The following SND1 variants were observed in gnomAD, a reference collection of about 807,000 sequenced individuals.
The protein encoded by SND1 is staphylococcal nuclease domain-containing protein 1.
Under a neutral mutation model 121.7 loss-of-function variants are expected in SND1, and 38 were observed. That is an observed-to-expected ratio of 0.31 (90% CI 0.24 to 0.41). The LOEUF (loss-of-function observed/expected upper bound fraction) is 0.41. SND1 is among the 10% of genes least tolerant of loss of function. The probability of loss-of-function intolerance (pLI) is 1.00; values close to 1 mark genes in which losing one functional copy is unlikely to be tolerated. For missense variants in SND1, 868 were observed against 1,184.6 expected, an observed-to-expected ratio of 0.73 and a Z score of 3.92; for synonymous variants, 401 against 447.4, an observed-to-expected ratio of 0.90 and a Z score of 1.31.
At position 127,782,544 on chromosome 7, in the gene SND1, C is replaced by T. The variant is rs56751449; in HGVS notation, c.1153-24940C>T. Among the ~76,000 whole-genome samples, 622 of 152,230 alleles carry T rather than the reference C, an allele frequency of 4.1e-3. 36 individuals are homozygous for T. In the East Asian group the frequency reaches 0.11, roughly 27 times the overall value. Reference sequence around the variant, plus strand: ...GGGGGGCAGAGATGTGTTGTTAGTTCGCTGAAAGTAGAATTTAATTGGCTA... The same window carrying T: ...GGGGGGCAGAGATGTGTTGTTAGTTTGCTGAAAGTAGAATTTAATTGGCTA... On this transcript the variant is annotated intron_variant, in intron 10 of 23. Transcript: ENST00000354725.
At chr7:128,000,617 C>T (rs898994935) in intron 16 of SND1, among the ~76,000 whole-genome samples, 2 of 152,204 alleles carry the variant, frequency 1.3e-5, no homozygotes, top group Admixed American at 6.5e-5. Context: ...GATCTGCCTG[C>T]CTCAGCCTCC....
chr7:127,891,077 T>C (rs775437581), intron 13 of SND1, among the ~76,000 whole-genome samples: 5 of 152,136 alleles, frequency 3.3e-5, no homozygotes, highest in East Asian at 1.9e-4. Flanking sequence ...GCCCCAGGAC[T>C]CTAAGCCTGG....
At chr7:127,833,343 G>T (rs955359774) in intron 11 of SND1, among the ~76,000 whole-genome samples, 4 of 147,234 alleles carry the variant, frequency 2.7e-5, no homozygotes, top group African/African-American at 1.0e-4. Context: ...TTGGCTCGCC[G>T]CAACCTCTGC....
intron 12 of SND1, among the ~76,000 whole-genome samples, chr7:127,874,745 C>T (rs1799659896): frequency 6.6e-6 from 1 of 152,048 alleles, no homozygotes; most frequent in Non-Finnish European, 1.5e-5. Context: ...TTCTCCCATA[C>T]CCCTCAAAAA....
intron 11 of SND1, among the ~76,000 whole-genome samples, chr7:127,813,268 C>T (rs1199200730): frequency 6.6e-6 from 1 of 152,112 alleles, no homozygotes; most frequent in Non-Finnish European, 1.5e-5. Flanking sequence ...GCTCTTTACC[C>T]TTTGGGTTTT....
At chr7:127,990,203 G>C (rs760303212) in intron 15 of SND1, among the ~76,000 whole-genome samples, 2 of 152,112 alleles carry the variant, frequency 1.3e-5, no homozygotes, top group African/African-American at 4.8e-5. Flanking sequence ...CTTAAGAAGC[G>C]GATATATTAT....
chr7:127,721,173 T>C (rs1452744618), intron 9 of SND1, 114 bp from the exon 10 acceptor site: 12 of 616,498 alleles, frequency 1.9e-5, no homozygotes, highest in Non-Finnish European at 3.5e-5. Context: ...ATACTGTTTT[T>C]CCCACAAATG....
At chr7:127,713,071 G>C (rs1796324726) in intron 9 of SND1, among the ~76,000 whole-genome samples, 1 of 152,200 alleles carries the variant, frequency 6.6e-6, no homozygotes, top group Non-Finnish European at 1.5e-5. Flanking sequence ...TGTAAAACAG[G>C]GATTGGACAG....
intron 11 of SND1, among the ~76,000 whole-genome samples, chr7:127,838,948 T>A (rs900082783): frequency 6.6e-6 from 1 of 152,238 alleles, no homozygotes; most frequent in Non-Finnish European, 1.5e-5. Flanking sequence ...CTGTTCTAAA[T>A]GATACATATG....
intron 16 of SND1, chr7:128,028,606 C>A: frequency 7.1e-7 from 1 of 1,410,670 alleles, no homozygotes; most frequent in Non-Finnish European, 9.7e-7. Flanking sequence ...AAAAGTCTCT[C>A]CCCACTCTGT....
At chr7:128,057,766 G>A (rs1277130492) in intron 16 of SND1, among the ~76,000 whole-genome samples, 1 of 152,286 alleles carries the variant, frequency 6.6e-6, no homozygotes, top group East Asian at 1.9e-4. Flanking sequence ...AACAGAAAAA[G>A]GAGAGAATGG....
At chr7:127,733,907 T>TAG (rs1796725901) in intron 10 of SND1, among the ~76,000 whole-genome samples, 1 of 151,876 alleles carries the variant, frequency 6.6e-6, no homozygotes, top group Non-Finnish European at 1.5e-5. Context: ...TCCCCTAGAG[T>TAG]AGAGGCCAGA....
chr7:127,984,967 A>G (rs1402872593), intron 15 of SND1, among the ~76,000 whole-genome samples: 1 of 152,226 alleles, frequency 6.6e-6, no homozygotes, highest in East Asian at 1.9e-4. Context: ...AACACTGCTC[A>G]GTTCAAATTC....
intron 14 of SND1, among the ~76,000 whole-genome samples, chr7:127,912,480 C>T (rs905262168): frequency 6.6e-6 from 1 of 152,184 alleles, no homozygotes; most frequent in East Asian, 1.9e-4. Flanking sequence ...TGAAGAGATA[C>T]AATTGATTCC....
In SND1 at chr7:127,677,755, A is replaced by G. The variant is rs139619837; in HGVS notation, c.79-8858A>G. Among the ~76,000 whole-genome samples, 753 of 152,308 alleles carry G rather than the reference A, an allele frequency of 4.9e-3. 2 individuals are homozygous for G. Among genetic ancestry groups the G allele is most frequent in the Non-Finnish European group, 7.5e-3 (508 of 68,038 alleles). On this transcript the variant is annotated intron_variant, in intron 1 of 23. Coordinates refer to ENST00000354725, the MANE Select transcript of SND1 (RefSeq NM_014390.4). The stretch of plus-strand genomic sequence containing the variant: ...ACTTTCATACTCTTTTGCATGTTAC[A>G]TAATCTTCTTTTGATGTTTTTCCAA...
At chr7:127,898,144 A>G (rs1484375738) in intron 13 of SND1, among the ~76,000 whole-genome samples, 1 of 152,010 alleles carries the variant, frequency 6.6e-6, no homozygotes, top group Non-Finnish European at 1.5e-5. Flanking sequence ...CTTACCTGCC[A>G]CTGTAGATCC....
chr7:128,068,224 T>TACCCC, intron 16 of SND1, among the ~76,000 whole-genome samples: 2 of 151,874 alleles, frequency 1.3e-5, no homozygotes, highest in African/African-American at 4.8e-5. Context: ...TCCCCACACT[T>TACCCC]ACCACATGCA....
chr7:127,925,697 A>G (rs1433741381), intron 14 of SND1, among the ~76,000 whole-genome samples: 1 of 150,282 alleles, frequency 6.7e-6, no homozygotes, highest in Non-Finnish European at 1.5e-5. Context: ...TCCGCCTCCC[A>G]GGTTCAAGCG....
At chr7:127,678,101 T>C (rs1005171027) in intron 1 of SND1, among the ~76,000 whole-genome samples, 12 of 152,214 alleles carry the variant, frequency 7.9e-5, no homozygotes, top group Admixed American at 6.5e-4. Flanking sequence ...AAAGATTTAA[T>C]CAGTAGGTAA....
Sources: gnomAD v4.1 joint callset for allele counts (sites outside exome capture counted in the v4.1 genomes callset) on GRCh38, gnomAD v4.1.1 for gene constraint, MANE v1.5 for transcripts, NCBI Gene and HGNC (gene_info 2026-07-23, HGNC 2026-07-21) for gene names.